Variants in FAM161A observed in about 807,000 individuals in gnomAD.
The protein encoded by FAM161A is protein FAM161A.
FAM161A carries 57 observed loss-of-function variants against 70.9 expected under a neutral mutation model. The ratio of observed to expected loss-of-function variants is 0.80; its 90% CI spans 0.65 to 1.00. FAM161A has a LOEUF of 1.00. Among genes scored for constraint, FAM161A ranks in the 50% least tolerant of loss-of-function variants. The pLI is 0.00. For missense variants in FAM161A, 880 were observed against 836.0 expected (o/e 1.05, Z -0.65); for synonymous variants, 299 against 295.7 (o/e 1.01, Z -0.12).
At chr2:61,853,541 C>T (rs184790026) in intron 1 of FAM161A, among the ~76,000 whole-genome samples, 1 of 152,288 alleles carries the variant, frequency 6.6e-6, no homozygotes, top group South Asian at 2.1e-4. Flanking sequence ...AGATATATCT[C>T]TATATATCCA....
chr2:61,804,546 G>A, the FAM161A span, among the ~76,000 whole-genome samples: 16 of 151,888 alleles, frequency 1.1e-4, no homozygotes, highest in African/African-American at 3.4e-4. Context: ...TTAGCCGAGC[G>A]TGCTGGTGTG....
At chr2:61,839,266 C>T (rs1212518211) in intron 3 of FAM161A, among the ~76,000 whole-genome samples, 155 bp downstream of exon 3, 1 of 139,958 alleles carries the variant, frequency 7.1e-6, no homozygotes, top group Non-Finnish European at 1.5e-5. Context: ...CTTAGAATAC[C>T]CTCTGACAAA....
At chr2:61,804,774 GA>G in the FAM161A span, among the ~76,000 whole-genome samples, 1 of 123,524 alleles carries the variant, frequency 8.1e-6, no homozygotes. Context: ...GAAAGAGAAA[GA>G]AAGAAAGAAA....
the FAM161A span, among the ~76,000 whole-genome samples, chr2:61,812,088 C>A: frequency 2.6e-5 from 4 of 152,200 alleles, no homozygotes; most frequent in African/African-American, 9.6e-5. Context: ...TTCCTTCTGG[C>A]CTTGACTCAA....
In FAM161A at chr2:61,835,883, C is replaced by T. The variant is rs1047759373; in HGVS notation, c.1851+127G>A. ...ATTGGCTGATATGATGAAGCCAACA[C>T]AAACAACAATAATGTATCTCAACAG... On this transcript the variant is annotated intron_variant, in intron 5 of 6. Coordinates refer to ENST00000404929, the MANE Select transcript of FAM161A (RefSeq NM_001201543.2). 6.2e-5 allele frequency: 47 copies of T among 756,408 alleles called. No homozygotes were observed. The African/African-American group carries it at 6.8e-4, about 11-fold the overall frequency. 46.9% of individuals were successfully genotyped at this position (756,408 alleles called of 1,614,324 possible).
Position 61,839,959 on chromosome 2 carries a change from T to C in FAM161A, c.1045A>G (p.Lys349Glu). Residue 349 changes from lysine to glutamate, a missense_variant, in exon 3 of 7, where the codon AAA becomes GAA. Coordinates refer to ENST00000404929, the MANE Select transcript of FAM161A (RefSeq NM_001201543.2). ...EKQLRDFLKY[K>E]KKTNRFKARP... ...GCTTTAAATCGATTTGTTTTCTTTT[T>C]ATACTTAAGAAAGTCTCTCAGCTGC... 6.2e-7 allele frequency: 1 copy of C among 1,614,232 alleles called. No homozygotes were observed. Among genetic ancestry groups the C allele is most frequent in the Non-Finnish European group, 8.5e-7 (1 of 1,180,042 alleles).
At chr2:61,850,284 T>C (rs1673452263) in intron 1 of FAM161A, among the ~76,000 whole-genome samples, 1 of 151,818 alleles carries the variant, frequency 6.6e-6, no homozygotes, top group African/African-American at 2.4e-5. Context: ...TAATCCCAGC[T>C]ACTTGGGAGG....
the FAM161A span, among the ~76,000 whole-genome samples, chr2:61,819,712 ACACT>A: frequency 6.6e-6 from 1 of 152,122 alleles, no homozygotes; most frequent in Non-Finnish European, 1.5e-5. Context: ...CCTCAACCAC[ACACT>A]CTTGGCATGG....
At chr2:61,850,804 C>T (rs1349926773) in intron 1 of FAM161A, among the ~76,000 whole-genome samples, 1 of 152,094 alleles carries the variant, frequency 6.6e-6, no homozygotes, top group Non-Finnish European at 1.5e-5. Context: ...AGGTTCTCTC[C>T]TATTTATTTT....
In FAM161A at chr2:61,833,457, A is replaced by G. The variant is rs75865332; in HGVS notation, c.1851+2553T>C. 7.9e-4 allele frequency among the ~76,000 whole-genome samples: 120 copies of G among 151,374 alleles called. 2 individuals are homozygous for G. The East Asian group carries it at 0.022, about 28-fold the overall frequency. ...AAAAAAAAAAAGGAAATGTGATGATAATAATATAGGGCTCAGCTGCTAACA... is the reference window on the plus strand; with the variant it reads ...AAAAAAAAAAAGGAAATGTGATGATGATAATATAGGGCTCAGCTGCTAACA... On this transcript the variant is annotated intron_variant, in intron 5 of 6. Coordinates refer to ENST00000404929, the MANE Select transcript of FAM161A (RefSeq NM_001201543.2).
the FAM161A span, among the ~76,000 whole-genome samples, chr2:61,810,798 G>A: frequency 3.3e-5 from 5 of 152,026 alleles, no homozygotes; most frequent in South Asian, 2.1e-4. Flanking sequence ...CAGCCAAGCT[G>A]AACAAGGTCC....
rs529941143 is a variant in FAM161A at position 61,825,156 on chromosome 2, A to G, written c.*1299T>C. ...AAAATGATGCTGATTGTTTTTAGAA[A>G]AGAAAATGTCTTATGCTATATTATC... On this transcript the variant is annotated 3_prime_UTR_variant, in exon 7 of 7. Transcript: ENST00000404929. 6 of 440,886 alleles carry G rather than the reference A, an allele frequency of 1.4e-5. No individual in the cohort carries two copies. The highest frequency in any genetic ancestry group is 1.2e-4 in the African/African-American group (6 of 49,382). The allele number at this position is 440,886 out of a possible 1,614,324, so 27.3% of individuals were successfully genotyped here. A position where few individuals can be genotyped will look rare whatever the true frequency, so the allele number is the denominator to read the frequency against.
intron 5 of FAM161A, among the ~76,000 whole-genome samples, chr2:61,834,070 T>C (rs1672682290): frequency 6.6e-6 from 1 of 152,154 alleles, no homozygotes; most frequent in Admixed American, 6.5e-5. Flanking sequence ...CAAGTGCTGA[T>C]GCTATTCACA....
At chr2:61,828,196 T>C (rs1039384870) in intron 5 of FAM161A, among the ~76,000 whole-genome samples, 2 of 151,934 alleles carry the variant, frequency 1.3e-5, no homozygotes, top group Non-Finnish European at 2.9e-5. Flanking sequence ...TTTGTTAACA[T>C]GGGTGGTGGC....
rs773689304 is a variant in FAM161A at position 61,840,174 on chromosome 2, T to C, written c.830A>G (p.Glu277Gly). 1 of 1,614,170 alleles carries C rather than the reference T, an allele frequency of 6.2e-7. No individual in the cohort carries two copies. Among genetic ancestry groups the C allele is most frequent in the South Asian group, 1.1e-5 (1 of 91,080 alleles). Reference protein sequence around the residue: ...KALKKQEEDPEYKKKFRANPV... With the variant: ...KALKKQEEDPGYKKKFRANPV... ...ATTGGCTCGGAATTTCTTCTTATACTCTGGATCCTCTTCTTGTTTTTTGAG... is the reference window on the plus strand; with the variant it reads ...ATTGGCTCGGAATTTCTTCTTATACCCTGGATCCTCTTCTTGTTTTTTGAG... The change falls in exon 3 of 7, where the codon GAG (glutamate) becomes GGG (glycine). Residue 277 changes from glutamate (E) to glycine (G), a missense_variant. Coordinates refer to ENST00000404929, the MANE Select transcript of FAM161A (RefSeq NM_001201543.2).
At chr2:61,819,862 A>G (rs185015647), downstream of FAM161A, among the ~76,000 whole-genome samples, 19 of 152,300 alleles carry the variant, frequency 1.2e-4, no homozygotes, top group East Asian at 3.5e-3. Context: ...AGCATTCAAG[A>G]TGAATGAATA....
chr2:61,848,908 T>A (rs865876751), intron 1 of FAM161A, among the ~76,000 whole-genome samples: 17 of 1,540 alleles, frequency 0.011, 4 homozygotes, highest in South Asian at 0.025. Context: ...ATATATATAT[T>A]TATATATTTA....
rs1479642216 is a variant in FAM161A, at chr2:61,825,855, T to A, written c.*600A>T. 1 of 452,204 alleles carries A rather than the reference T, an allele frequency of 2.2e-6. No individual in the cohort carries two copies. Among genetic ancestry groups the A allele is most frequent in the East Asian group, 6.9e-5 (1 of 14,438 alleles). 28.0% of individuals were successfully genotyped at this position (452,204 alleles called of 1,614,324 possible). A position where few individuals can be genotyped will look rare whatever the true frequency, so the allele number is the denominator to read the frequency against. ...GGTTTCATCGTGTTAGCCAGGATGG[T>A]CTCGATCTCCTGACCTCGTGATCCA... On this transcript the variant is annotated 3_prime_UTR_variant, in exon 7 of 7. Transcript: ENST00000404929.
Position 61,842,212 on chromosome 2 carries a change from G to T in FAM161A, c.332C>A (p.Ala111Glu). 4 of 1,613,610 alleles carry T rather than the reference G, an allele frequency of 2.5e-6. No individual in the cohort carries two copies. Among genetic ancestry groups the T allele is most frequent in the Non-Finnish European group, 3.4e-6 (4 of 1,179,650 alleles). ...ELKAAHIETM[A>E]KLEKMYQDKL... ...ATCCTGGTACATTTTCTCTAATTTT[G>T]CCATAGTTTCTATGTGGGCAGCCTT... Residue 111 changes from alanine (A) to glutamate (E), a missense_variant, in exon 2 of 7, where the codon GCA (alanine) becomes GAA (glutamate). Physicochemically the swap from Ala to Glu is moderately radical, Grantham distance 107. Coordinates refer to ENST00000404929, the MANE Select transcript of FAM161A (RefSeq NM_001201543.2).
Sources: allele counts gnomAD v4.1 joint callset (sites outside exome capture counted in the v4.1 genomes callset), GRCh38; gene constraint gnomAD v4.1.1; transcripts MANE v1.5; gene names NCBI Gene and HGNC (gene_info 2026-07-23, HGNC 2026-07-21).